The following TMED10 variants were observed in gnomAD, a reference collection of about 807,000 sequenced individuals.
TMED10 encodes transmembrane emp24 domain-containing protein 10.
Under a neutral mutation model 23.1 loss-of-function variants are expected in TMED10, and 7 were observed. That is an observed-to-expected ratio of 0.30 (90% CI 0.17 to 0.57). The LOEUF is 0.57. Among genes scored for constraint, TMED10 ranks in the 20% least tolerant of loss-of-function variants. TMED10 has a pLI of 0.91. For missense variants in TMED10, 162 were observed against 274.8 expected, an observed-to-expected ratio of 0.59 and a Z score of 2.90; for synonymous variants, 113 against 106.9, an observed-to-expected ratio of 1.06 and a Z score of -0.35.
intron 3 of TMED10, among the ~76,000 whole-genome samples, chr14:75,143,391 T>C (rs1895846517): frequency 6.6e-6 from 1 of 152,192 alleles, no homozygotes; most frequent in African/African-American, 2.4e-5. Context: ...GAGTTATATG[T>C]AACTGTACCA....
chr14:75,134,929 A>C lies in TMED10; in HGVS notation c.616T>G (p.Phe206Val), dbSNP rs1895729329. ...CLIGLATWQV[F>V]YLRRFFKAKK... The stretch of plus-strand genomic sequence containing the variant: ...GCCTTGAAGAAGCGTCGCAGGTAGA[A>C]GACCTGCCAGGTAGCTAGTCCAATG... Residue 206 changes from phenylalanine to valine, a missense_variant, in exon 5 of 5, where the codon TTC becomes GTC. Physicochemically the swap from Phe to Val is conservative, Grantham distance 50. Around this residue, in one of 2 missense-constraint regions of TMED10, gnomAD observed 126 missense variants for 239.5 expected, o/e 0.53. Transcript: ENST00000303575. 1 of 1,614,090 alleles carries C rather than the reference A, an allele frequency of 6.2e-7. No homozygotes were observed. Among genetic ancestry groups the C allele is most frequent in the East Asian group, 2.2e-5 (1 of 44,884 alleles).
intron 1 of TMED10, among the ~76,000 whole-genome samples, chr14:75,162,351 A>G (rs1373100353): frequency 6.6e-6 from 1 of 152,246 alleles, no homozygotes; most frequent in African/African-American, 2.4e-5. Flanking sequence ...AAGGGCTCCC[A>G]ATAGCTAAAG....
intron 3 of TMED10, among the ~76,000 whole-genome samples, chr14:75,136,493 C>T (rs1281151965): frequency 6.6e-6 from 1 of 152,192 alleles, no homozygotes; most frequent in African/African-American, 2.4e-5. Flanking sequence ...TTACTTTGCA[C>T]TTCCACTCAT....
intron 3 of TMED10, among the ~76,000 whole-genome samples, chr14:75,142,947 C>T (rs1050685333): frequency 2.6e-5 from 4 of 152,276 alleles, no homozygotes; most frequent in East Asian, 1.9e-4. Context: ...CAACCTCTGC[C>T]TCCCAGGTTC....
rs1283432852 is a variant in TMED10, at chr14:75,158,716, G to T, written c.226-6573C>A. Among the ~76,000 whole-genome samples the T allele has an allele frequency of 2.0e-5, 3 of 151,938 alleles. No homozygotes were observed. The East Asian group carries it at 5.9e-4, about 30-fold the overall frequency. ...GAGGCGGGCAGATCACCTGAGGTCG[G>T]GAGTTCGAGACCAGCCTGACTAACA... On this transcript the variant is annotated intron_variant, in intron 1 of 4. Transcript: ENST00000303575.
At chr14:75,140,450 G>A (rs1037792137) in intron 3 of TMED10, among the ~76,000 whole-genome samples, 2 of 151,790 alleles carry the variant, frequency 1.3e-5, no homozygotes, top group East Asian at 3.9e-4. Context: ...GCTCACGCCT[G>A]TAATCTCAGC....
intron 4 of TMED10, 42 bp from the exon 5 acceptor site, chr14:75,135,048 C>T (rs1327939707): frequency 1.9e-6 from 3 of 1,609,532 alleles, no homozygotes; most frequent in Non-Finnish European, 2.5e-6. Flanking sequence ...TGAAGTGAGC[C>T]TCCTCAGCTG....
At chr14:75,146,908 C>CAGATAGATAGATAGATAGAT (rs35810783) in intron 3 of TMED10, among the ~76,000 whole-genome samples, 48 of 149,596 alleles carry the variant, frequency 3.2e-4, no homozygotes, top group South Asian at 8.5e-4. Context: ...ATCCATGCCC[C>CAGATAGATAGATAGATAGAT]AGATAGATAG....
Position 75,152,397 on chromosome 14 carries a change from C to T in TMED10, c.226-254G>A, listed in dbSNP as rs28556573. 7.9e-3 allele frequency among the ~76,000 whole-genome samples: 1,210 copies of T among 152,252 alleles called. 12 individuals are homozygous for T. The highest frequency in any genetic ancestry group is 0.027 in the African/African-American group (1,142 of 41,540). Reference sequence around the variant, plus strand: ...TGCTGCTATAGGATGTCTTACCATACCAAAAAGTTAATCTAGCTAATGCTC... The same window carrying T: ...TGCTGCTATAGGATGTCTTACCATATCAAAAAGTTAATCTAGCTAATGCTC... On this transcript the variant is annotated intron_variant, in intron 1 of 4. Transcript: ENST00000303575.
Position 75,134,783 on chromosome 14 carries a change from C to A in TMED10, c.*102G>T. 1 of 1,519,548 alleles carries A rather than the reference C, an allele frequency of 6.6e-7. No individual in the cohort carries two copies. The highest frequency in any genetic ancestry group is 9.0e-7 in the Non-Finnish European group (1 of 1,109,148). The allele number at this position is 1,519,548 out of a possible 1,614,324, so 94.1% of individuals were successfully genotyped here. A position where few individuals can be genotyped will look rare whatever the true frequency, so the allele number is the denominator to read the frequency against. ...ATCAGTTCTGGCAAGAAAGCTCCAA[C>A]GTGCCTTGATGGTGCTGTTGGTAGG... On this transcript the variant is annotated 3_prime_UTR_variant, in exon 5 of 5. Coordinates refer to ENST00000303575, the MANE Select transcript of TMED10 (RefSeq NM_006827.6).
rs1228442824 is a variant in TMED10 at position 75,132,077 on chromosome 14, A to C, written c.*2808T>G. 1.3e-5 allele frequency: 2 copies of C among 152,552 alleles called. No individual in the cohort carries two copies. The highest frequency in any genetic ancestry group is 2.9e-5 in the Non-Finnish European group (2 of 68,042). 9.4% of individuals were successfully genotyped at this position (152,552 alleles called of 1,614,324 possible). A position where few individuals can be genotyped will look rare whatever the true frequency, so the allele number is the denominator to read the frequency against. On this transcript the variant is annotated 3_prime_UTR_variant, in exon 5 of 5. Coordinates refer to ENST00000303575, the MANE Select transcript of TMED10 (RefSeq NM_006827.6). Reference sequence around the variant, plus strand: ...TGTTAGGCTAACGGTACATGATAGAAATTTCACATTTAAAAGTTTAAAGAT... The same window carrying C: ...TGTTAGGCTAACGGTACATGATAGACATTTCACATTTAAAAGTTTAAAGAT...
At chr14:75,135,062 A>C (rs1215542316) in intron 4 of TMED10, 56 bp from the exon 5 acceptor site, 11 of 1,604,286 alleles carry the variant, frequency 6.9e-6, no homozygotes, top group Non-Finnish European at 9.4e-6. Flanking sequence ...TCAGCTGGCT[A>C]AACAATGGCA....
chr14:75,131,979 C>T lies in TMED10; in HGVS notation c.*2906G>A, dbSNP rs1895690871. 1 of 152,544 alleles carries T rather than the reference C, an allele frequency of 6.6e-6. No homozygotes were observed. Among genetic ancestry groups the T allele is most frequent in the Non-Finnish European group, 1.5e-5 (1 of 68,042 alleles). The allele number at this position is 152,544 out of a possible 1,614,324, so 9.4% of individuals were successfully genotyped here. A position where few individuals can be genotyped will look rare whatever the true frequency, so the allele number is the denominator to read the frequency against. ...TTGACATTTTGTCACATCACAAGAA[C>T]ATAACTAAGAGAGTAGCTTTCGTTG... On this transcript the variant is annotated 3_prime_UTR_variant, in exon 5 of 5. Coordinates refer to ENST00000303575, the MANE Select transcript of TMED10 (RefSeq NM_006827.6).
At chr14:75,158,577 C>T (rs1428070691) in intron 1 of TMED10, among the ~76,000 whole-genome samples, 1 of 151,950 alleles carries the variant, frequency 6.6e-6, no homozygotes, top group Non-Finnish European at 1.5e-5. Context: ...ATCCTCCCAC[C>T]TTGGCCTCCC....
chr14:75,148,477 T>C (rs1895915356), intron 2 of TMED10, among the ~76,000 whole-genome samples: 1 of 151,570 alleles, frequency 6.6e-6, no homozygotes, highest in African/African-American at 2.4e-5. Flanking sequence ...GAAGAGTCAA[T>C]CTGATTCAGC....
rs991809157 is a variant in TMED10 at position 75,131,569 on chromosome 14, A to C, written c.*3316T>G. 2 of 152,638 alleles carry C rather than the reference A, an allele frequency of 1.3e-5. No individual in the cohort carries two copies. The highest frequency in any genetic ancestry group is 4.8e-5 in the African/African-American group (2 of 41,462). 9.5% of individuals were successfully genotyped at this position (152,638 alleles called of 1,614,324 possible). A position where few individuals can be genotyped will look rare whatever the true frequency, so the allele number is the denominator to read the frequency against. On this transcript the variant is annotated 3_prime_UTR_variant, in exon 5 of 5. Transcript: ENST00000303575. ...AATCCCATATGCCTCTTTCCCAAAC[A>C]AACCAAGAAATGGCTTTATGACAGG...
intron 3 of TMED10, among the ~76,000 whole-genome samples, chr14:75,141,547 C>T (rs953854247): frequency 6.6e-6 from 1 of 152,136 alleles, no homozygotes; most frequent in African/African-American, 2.4e-5. Flanking sequence ...ATTTAATCCT[C>T]GTAACCCTAT....
intron 1 of TMED10, 138 bp from the exon 2 acceptor site, chr14:75,152,281 C>T (rs1895963952): frequency 1.5e-6 from 1 of 659,968 alleles, no homozygotes; most frequent in Non-Finnish European, 2.5e-6. Flanking sequence ...CAACCATCCC[C>T]AAAGACAAAA....
intron 3 of TMED10, among the ~76,000 whole-genome samples, chr14:75,147,118 C>A (rs1432239488): frequency 1.3e-5 from 2 of 151,464 alleles, no homozygotes; most frequent in Non-Finnish European, 2.9e-5. Context: ...TTTATCAAAC[C>A]AACATTCTGT....
Sources: gnomAD v4.1 joint callset for allele counts (sites outside exome capture counted in the v4.1 genomes callset) on GRCh38, gnomAD v4.1.1 for gene constraint, gnomAD v4.1.1 regional missense constraint, MANE v1.5 for transcripts, NCBI Gene and HGNC (gene_info 2026-07-23, HGNC 2026-07-21) for gene names.